TBC1D14: variants seen among roughly 807,000 people sequenced by gnomAD.
TBC1D14 encodes the protein TBC1 domain family, member 14.
A neutral mutation model predicts 79.0 loss-of-function variants in TBC1D14; 26 were observed. That is an observed-to-expected ratio of 0.33 (90% CI 0.24 to 0.46). The LOEUF is 0.46. TBC1D14 is among the 20% of genes least tolerant of loss of function. TBC1D14 has a pLI of 1.00. For synonymous variants in TBC1D14, 394 were observed against 349.9 expected (o/e 1.13, Z -1.40); for missense variants, 769 against 887.6 (o/e 0.87, Z 1.70).
At chr4:6,950,007 T>C (rs1438073045) in intron 2 of TBC1D14, among the ~76,000 whole-genome samples, 3 of 152,186 alleles carry the variant, frequency 2.0e-5, no homozygotes, top group Admixed American at 6.5e-5. Flanking sequence ...CAACCTGTTA[T>C]CTGGGTTTCA....
intron 1 of TBC1D14, among the ~76,000 whole-genome samples, chr4:6,921,598 C>G (rs1220747932): frequency 6.7e-6 from 1 of 149,458 alleles, no homozygotes; most frequent in Non-Finnish European, 1.5e-5. Context: ...TGATCTTGGC[C>G]CACTGCAACC....
intron 1 of TBC1D14, among the ~76,000 whole-genome samples, chr4:6,913,627 A>G (rs1056915257): frequency 1.3e-5 from 2 of 152,230 alleles, no homozygotes; most frequent in Non-Finnish European, 2.9e-5. Context: ...GGCATCCCGC[A>G]TGCTTGGTGC....
intron 7 of TBC1D14, among the ~76,000 whole-genome samples, chr4:7,003,814 C>T (rs1419972447): frequency 6.6e-6 from 1 of 151,886 alleles, no homozygotes; most frequent in Non-Finnish European, 1.5e-5. Context: ...CCAGCCTGGC[C>T]AACACGGCCA....
Position 7,001,259 on chromosome 4 carries a change from G to A in TBC1D14, c.1270+8G>A. On this transcript the variant is annotated splice_region_variant and intron_variant, in intron 7 of 13. Transcript: ENST00000409757. ...AGTTAAATATCACCCACGGTGAGTG[G>A]CCTGCATGATCCTGGGGAGTCCACC... 1 of 1,611,256 alleles carries A rather than the reference G, an allele frequency of 6.2e-7. No homozygotes were observed. Among genetic ancestry groups the A allele is most frequent in the South Asian group, 1.1e-5 (1 of 90,932 alleles).
intron 12 of TBC1D14, among the ~76,000 whole-genome samples, chr4:7,020,473 G>A (rs1265592787): frequency 2.0e-5 from 3 of 152,172 alleles, no homozygotes; most frequent in East Asian, 3.8e-4. Context: ...GGGGAGGGGC[G>A]GAGTGCCATT....
At chr4:6,997,589 G>A (rs561816120) in intron 5 of TBC1D14, among the ~76,000 whole-genome samples, 32 of 152,204 alleles carry the variant, frequency 2.1e-4, no homozygotes, top group South Asian at 6.2e-4. Flanking sequence ...TCGTGCCACT[G>A]CACTCCAGCC....
chr4:6,914,867 T>C (rs1027485586), intron 1 of TBC1D14, among the ~76,000 whole-genome samples: 2 of 152,166 alleles, frequency 1.3e-5, no homozygotes, highest in African/African-American at 4.8e-5. Context: ...GGTGAAACCC[T>C]GTCTCTACTA....
At chr4:7,026,347 G>A (rs1177684565) in intron 13 of TBC1D14, among the ~76,000 whole-genome samples, 2 of 152,116 alleles carry the variant, frequency 1.3e-5, no homozygotes, top group African/African-American at 4.8e-5. Context: ...TGGTGTTAGC[G>A]ATCTCTGACT....
At chr4:6,917,123 C>G (rs1273307267) in intron 1 of TBC1D14, among the ~76,000 whole-genome samples, 1 of 152,202 alleles carries the variant, frequency 6.6e-6, no homozygotes, top group African/African-American at 2.4e-5. Flanking sequence ...TCCTCGTAGT[C>G]TCACCTCCAG....
At chr4:6,973,808 TTTTA>T (rs1011771278) in intron 3 of TBC1D14, among the ~76,000 whole-genome samples, 2 of 151,882 alleles carry the variant, frequency 1.3e-5, no homozygotes, top group African/African-American at 4.8e-5. Flanking sequence ...CATTTTTTAG[TTTTA>T]TTTATTTATT....
intron 2 of TBC1D14, among the ~76,000 whole-genome samples, chr4:6,935,690 C>T (rs1447606457): frequency 6.6e-6 from 1 of 151,402 alleles, no homozygotes; most frequent in African/African-American, 2.4e-5. Context: ...ATTGCCCAGG[C>T]TGGAGTGCAG....
chr4:6,979,864 G>T (rs1717206671), intron 3 of TBC1D14, among the ~76,000 whole-genome samples: 1 of 152,150 alleles, frequency 6.6e-6, no homozygotes, highest in Non-Finnish European at 1.5e-5. Context: ...AAGACATAAT[G>T]ATTCTAAATG....
At chr4:6,910,817 A>C (rs972901366) in intron 1 of TBC1D14, among the ~76,000 whole-genome samples, 2 of 152,220 alleles carry the variant, frequency 1.3e-5, no homozygotes, top group Middle Eastern at 3.4e-3. Context: ...CTAGCGTGGA[A>C]TTGGAAGCTT....
chr4:6,991,043 T>C (rs550668268), intron 3 of TBC1D14, among the ~76,000 whole-genome samples: 1 of 152,366 alleles, frequency 6.6e-6, no homozygotes, highest in South Asian at 2.1e-4. Context: ...GAGCAGGACC[T>C]GTCACCATTT....
At chr4:7,012,249 C>T (rs7672632) in intron 11 of TBC1D14, among the ~76,000 whole-genome samples, 67,646 of 150,586 alleles carry the variant, frequency 0.45, 15,629 homozygotes, top group East Asian at 0.6. Flanking sequence ...TTGCAGTGAG[C>T]CGAGATTGCG....
intron 3 of TBC1D14, among the ~76,000 whole-genome samples, chr4:6,983,163 G>A (rs542916886): frequency 7.9e-5 from 12 of 152,134 alleles, no homozygotes; most frequent in Non-Finnish European, 1.8e-4. Flanking sequence ...GTAGAGACAG[G>A]GTTTCACCAT....
At chr4:6,939,009 C>T (rs1471057691) in intron 2 of TBC1D14, among the ~76,000 whole-genome samples, 2 of 152,152 alleles carry the variant, frequency 1.3e-5, no homozygotes, top group Non-Finnish European at 2.9e-5. Context: ...GGGAAAGCAC[C>T]GTGGACACCA....
At chr4:7,027,957 A>C (rs111203684) in intron 13 of TBC1D14, among the ~76,000 whole-genome samples, 1,484 of 73,754 alleles carry the variant, frequency 0.02, 39 homozygotes, top group African/African-American at 0.073. Context: ...ATCACCCCCC[A>C]CACACACATT....
At position 6,989,173 on chromosome 4, in the gene TBC1D14, C is replaced by T. The variant is rs2109131295; in HGVS notation, c.844-5011C>T. On this transcript the variant is annotated intron_variant, in intron 3 of 13. Transcript: ENST00000409757. ...AAACCTAATTCAGGAGCCTCGTGCCCTTCTTGTCTTTAGCACTGTGCAGAT... is the reference window on the plus strand; with the variant it reads ...AAACCTAATTCAGGAGCCTCGTGCCTTTCTTGTCTTTAGCACTGTGCAGAT... Among the ~76,000 whole-genome samples, 2 of 152,222 alleles carry T rather than the reference C, an allele frequency of 1.3e-5. 1 individual carries two copies. The highest frequency in any genetic ancestry group is 4.1e-4 in the South Asian group (2 of 4,820).
Sources: gnomAD v4.1 joint callset for allele counts (sites outside exome capture counted in the v4.1 genomes callset) on GRCh38, gnomAD v4.1.1 for gene constraint, MANE v1.5 for transcripts, NCBI Gene and HGNC (gene_info 2026-07-23, HGNC 2026-07-21) for gene names.